The following ERBB4 variants were observed in gnomAD, a reference collection of about 807,000 sequenced individuals.
ERBB4 encodes receptor tyrosine-protein kinase erbB-4.
ERBB4 carries 42 observed loss-of-function variants against 158.0 expected under a neutral mutation model. The observed-to-expected ratio is 0.27, with a 90% CI of 0.21 to 0.34. ERBB4 has a LOEUF of 0.34. Among genes scored for constraint, ERBB4 ranks in the 10% least tolerant of loss-of-function variants. ERBB4 has a pLI of 1.00. For missense variants in ERBB4, 1,333 were observed against 1,624.1 expected (o/e 0.82, Z 3.08); for synonymous variants, 583 against 558.7 (o/e 1.04, Z -0.61).
At chr2:211,446,168 C>T (rs1003383380) in intron 20 of ERBB4, among the ~76,000 whole-genome samples, 5 of 152,152 alleles carry the variant, frequency 3.3e-5, no homozygotes, top group East Asian at 1.9e-4. Flanking sequence ...GGTCTGATTT[C>T]ACTCTGTGCA....
intron 4 of ERBB4, among the ~76,000 whole-genome samples, chr2:211,772,944 T>C (rs1329911903): frequency 5.5e-4 from 49 of 88,762 alleles, no homozygotes; most frequent in East Asian, 2.0e-3. Flanking sequence ...TATATATATA[T>C]ATATATATAT....
At chr2:211,936,318 C>A (rs771859704) in intron 3 of ERBB4, among the ~76,000 whole-genome samples, 1 of 151,342 alleles carries the variant, frequency 6.6e-6, no homozygotes. Context: ...CAGCTTTTTT[C>A]AACACTACTA....
At chr2:212,026,231 G>T (rs931185804) in intron 2 of ERBB4, among the ~76,000 whole-genome samples, 1 of 151,518 alleles carries the variant, frequency 6.6e-6, no homozygotes, top group Non-Finnish European at 1.5e-5. Context: ...AAGAATGAAT[G>T]AATTTTAGTA....
At chr2:211,779,074 T>C (rs925172633) in intron 4 of ERBB4, 1 of 152,166 alleles carries the variant, frequency 6.6e-6, no homozygotes, top group Non-Finnish European at 1.5e-5. Flanking sequence ...TCAATTGACT[T>C]CTTAGGATTT....
At chr2:211,502,867 C>T (rs2065651325) in intron 20 of ERBB4, among the ~76,000 whole-genome samples, 1 of 152,146 alleles carries the variant, frequency 6.6e-6, no homozygotes, top group Non-Finnish European at 1.5e-5. Context: ...TGACTAGGTG[C>T]AGCTGGGATG....
At chr2:212,361,054 GT>G (rs909634584) in intron 1 of ERBB4, among the ~76,000 whole-genome samples, 3 of 150,892 alleles carry the variant, frequency 2.0e-5, no homozygotes, top group Admixed American at 6.6e-5. Flanking sequence ...GTGACCAAAA[GT>G]TTTTTTTTAT....
chr2:211,876,974 TA>T (rs1296615658), intron 3 of ERBB4, among the ~76,000 whole-genome samples: 1 of 152,208 alleles, frequency 6.6e-6, no homozygotes, highest in Non-Finnish European at 1.5e-5. Context: ...TTCCACATCT[TA>T]ACTACTGAAA....
intron 3 of ERBB4, among the ~76,000 whole-genome samples, chr2:211,939,220 T>C (rs956396194): frequency 2.6e-5 from 4 of 152,150 alleles, no homozygotes; most frequent in Non-Finnish European, 5.9e-5. Context: ...CCTGAAGAAA[T>C]TGTCTTAAAC....
intron 5 of ERBB4, among the ~76,000 whole-genome samples, chr2:211,747,437 A>G (rs2075008761): frequency 6.6e-6 from 1 of 152,112 alleles, no homozygotes; most frequent in Admixed American, 6.5e-5. Context: ...TGCCCTGTGA[A>G]GTAAAGGGTA....
At chr2:211,611,891 C>T (rs1428105867) in intron 19 of ERBB4, among the ~76,000 whole-genome samples, 1 of 152,090 alleles carries the variant, frequency 6.6e-6, no homozygotes, top group Admixed American at 6.6e-5. Context: ...TCCCTTAAAA[C>T]AGGTTCCCCT....
chr2:211,389,104 C>T (rs1307361403), intron 25 of ERBB4, among the ~76,000 whole-genome samples: 5 of 152,144 alleles, frequency 3.3e-5, no homozygotes, highest in East Asian at 1.9e-4. Context: ...GGTGCAATCT[C>T]GGCTCACTGC....
intron 19 of ERBB4, among the ~76,000 whole-genome samples, chr2:211,593,255 G>A (rs534794217): frequency 9.2e-4 from 140 of 152,300 alleles, no homozygotes; most frequent in African/African-American, 3.3e-3. Context: ...AGAGAGAAGG[G>A]TTAAGGGCTC....
intron 1 of ERBB4, among the ~76,000 whole-genome samples, chr2:212,372,806 C>G (rs1387058540): frequency 1.3e-5 from 2 of 152,150 alleles, no homozygotes; most frequent in Non-Finnish European, 2.9e-5. Context: ...TGAGCTATGT[C>G]CAGCTGTCTG....
intron 5 of ERBB4, among the ~76,000 whole-genome samples, chr2:211,742,877 TA>T (rs537670060): frequency 9.1e-4 from 138 of 151,068 alleles, no homozygotes; most frequent in South Asian, 2.7e-3. Flanking sequence ...TATTTTTAAT[TA>T]AAAAAAAAGA....
intron 1 of ERBB4, among the ~76,000 whole-genome samples, chr2:212,127,641 A>G (rs546003128): frequency 1.3e-5 from 2 of 152,294 alleles, no homozygotes; most frequent in Admixed American, 1.3e-4. Context: ...TGAATCAGCT[A>G]TTGTTAGTGT....
At chr2:212,531,305 A>G (rs73989049) in intron 1 of ERBB4, among the ~76,000 whole-genome samples, 3,637 of 152,252 alleles carry the variant, frequency 0.024, 148 homozygotes, top group African/African-American at 0.083. Context: ...AGAGAGCATT[A>G]AGTTTAGGTC....
intron 3 of ERBB4, among the ~76,000 whole-genome samples, chr2:211,847,354 A>G (rs2077615178): frequency 6.6e-6 from 1 of 152,186 alleles, no homozygotes; most frequent in Admixed American, 6.6e-5. Flanking sequence ...TACTACAATA[A>G]TGTTAAAATC....
chr2:211,905,679 T>TATATATAC (rs2079365194), intron 3 of ERBB4, among the ~76,000 whole-genome samples: 3 of 107,568 alleles, frequency 2.8e-5, no homozygotes, highest in Admixed American at 8.8e-5. Flanking sequence ...TATATATATA[T>TATATATAC]ATACACACAT....
intron 20 of ERBB4, among the ~76,000 whole-genome samples, chr2:211,446,586 A>G (rs1358052480): frequency 6.6e-6 from 1 of 152,176 alleles, no homozygotes; most frequent in Non-Finnish European, 1.5e-5. Flanking sequence ...CTTTCTTACT[A>G]TCACCAACAA....
Sources: gnomAD v4.1 joint callset for allele counts (sites outside exome capture counted in the v4.1 genomes callset) on GRCh38, gnomAD v4.1.1 for gene constraint, MANE v1.5 for transcripts, NCBI Gene and HGNC (gene_info 2026-07-23, HGNC 2026-07-21) for gene names.